Variants in CNGB1 observed in about 807,000 individuals in gnomAD.
CNGB1 encodes the protein cyclic nucleotide-gated channel beta-1.
Under a neutral mutation model 151.7 loss-of-function variants are expected in CNGB1, and 126 were observed. The observed-to-expected ratio is 0.83, with a 90% confidence interval of 0.72 to 0.96. The LOEUF is 0.96. Among genes scored for constraint, CNGB1 ranks in the 40% least tolerant of loss-of-function variants. The pLI is 0.00. For missense variants in CNGB1, 1,698 were observed against 1,627.0 expected (o/e 1.04, Z -0.75); for synonymous variants, 623 against 635.1 (o/e 0.98, Z 0.29).
chr16:57,965,718 TCAGA>T (rs112443047), intron 2 of CNGB1, among the ~76,000 whole-genome samples: 16,518 of 151,858 alleles, frequency 0.11, 983 homozygotes, highest in Non-Finnish European at 0.13. Context: ...ACTCACATAC[TCAGA>T]AATATGTAGA....
At chr16:57,947,991 ACACT>A (rs1398217569) in intron 14 of CNGB1, among the ~76,000 whole-genome samples, 1 of 152,214 alleles carries the variant, frequency 6.6e-6, no homozygotes, top group African/African-American at 2.4e-5. Flanking sequence ...TGTGCTCCTA[ACACT>A]CACAGTGCTA....
At chr16:57,941,713 G>T (rs8056867) in intron 14 of CNGB1, among the ~76,000 whole-genome samples, 2,177 of 152,170 alleles carry the variant, frequency 0.014, 54 homozygotes, top group African/African-American at 0.05. Context: ...TACAATAAAG[G>T]TCATATGTGA....
chr16:57,925,749 G>A (rs542150623), intron 17 of CNGB1, among the ~76,000 whole-genome samples: 33 of 152,056 alleles, frequency 2.2e-4, no homozygotes, highest in South Asian at 6.2e-4. Context: ...ATGCAGTGGC[G>A]CAAGCTCAGC....
In CNGB1 at chr16:57,956,356, T is replaced by C. The variant is rs1437050165; in HGVS notation, c.874+985A>G. On this transcript the variant is annotated intron_variant, in intron 12 of 32. Transcript: ENST00000251102. ...ATGAGAGACTGCTTATGCCCTGCTC[T>C]GAGACAGGCCAGCTCTCCTCCTCCT... Among the ~76,000 whole-genome samples the C allele has an allele frequency of 7.9e-5, 12 of 152,298 alleles. No individual in the cohort carries two copies. The East Asian group carries it at 2.3e-3, about 29-fold the overall frequency.
chr16:57,967,764 T>A (rs894478254), intron 1 of CNGB1, among the ~76,000 whole-genome samples: 5 of 152,114 alleles, frequency 3.3e-5, no homozygotes, highest in Admixed American at 1.3e-4. Context: ...ATATTACATA[T>A]ATACACACAG....
At chr16:57,955,758 A>G (rs2071426792) in intron 12 of CNGB1, among the ~76,000 whole-genome samples, 1 of 151,372 alleles carries the variant, frequency 6.6e-6, no homozygotes, top group Admixed American at 6.6e-5. Flanking sequence ...GGAGGCGGGC[A>G]CTGGAGGACA....
At chr16:57,943,727 G>C (rs1328600590) in intron 14 of CNGB1, among the ~76,000 whole-genome samples, 1 of 152,140 alleles carries the variant, frequency 6.6e-6, no homozygotes, top group Non-Finnish European at 1.5e-5. Flanking sequence ...CTTACACACT[G>C]TTGGTGGGAT....
At chr16:57,954,996 G>A (rs1215536635) in intron 12 of CNGB1, 3 of 1,132,490 alleles carry the variant, frequency 2.6e-6, no homozygotes, top group Non-Finnish European at 3.3e-6. Flanking sequence ...CAATCCTCCT[G>A]CCTCAGCCTC....
At chr16:57,950,289 T>C in intron 13 of CNGB1, 92 bp downstream of exon 13, 2 of 1,495,522 alleles carry the variant, frequency 1.3e-6, no homozygotes, top group South Asian at 1.1e-5. Context: ...TGGTTCCTGC[T>C]CTGTGCCTTT....
intron 17 of CNGB1, 77 bp from the exon 18 acceptor site, chr16:57,923,457 TA>T: frequency 8.2e-7 from 1 of 1,220,676 alleles, no homozygotes; most frequent in Non-Finnish European, 1.2e-6. Flanking sequence ...CTTTGATCCC[TA>T]AAGATCATCT....
intron 31 of CNGB1, among the ~76,000 whole-genome samples, chr16:57,892,235 C>A (rs1189709676): frequency 6.6e-6 from 1 of 152,106 alleles, no homozygotes; most frequent in African/African-American, 2.4e-5. Context: ...TGAATGACCA[C>A]AAAAGCCTGT....
intron 2 of CNGB1, among the ~76,000 whole-genome samples, chr16:57,965,332 C>T (rs34386831): frequency 0.15 from 23,255 of 152,182 alleles, 2,437 homozygotes; most frequent in East Asian, 0.4. Flanking sequence ...CATGCCCCAA[C>T]ACATATATGT....
chr16:57,904,023 A>G, intron 26 of CNGB1, 42 bp from the exon 27 acceptor site: 1 of 1,591,644 alleles, frequency 6.3e-7, no homozygotes, highest in Non-Finnish European at 8.6e-7. Flanking sequence ...CCACTGGGTC[A>G]TTGGGGGTGG....
chr16:57,962,414 C>T (rs1214628310), intron 7 of CNGB1, 151 bp downstream of exon 7: 2 of 763,586 alleles, frequency 2.6e-6, no homozygotes, highest in East Asian at 2.5e-5. Flanking sequence ...CCACTGTCCC[C>T]ATTCTATGGC....
chr16:57,956,461 C>G (rs1410981661), intron 12 of CNGB1, among the ~76,000 whole-genome samples: 9 of 152,216 alleles, frequency 5.9e-5, no homozygotes, highest in Non-Finnish European at 2.9e-5. Flanking sequence ...GTCCACTGGG[C>G]TGTGTGTGCT....
intron 14 of CNGB1, among the ~76,000 whole-genome samples, chr16:57,949,126 G>T (rs1213929306): frequency 3.3e-5 from 5 of 151,880 alleles, no homozygotes; most frequent in Non-Finnish European, 7.4e-5. Context: ...CTGCATTCTA[G>T]TGTGTGTGGG....
chr16:57,958,472 C>A lies in CNGB1; in HGVS notation c.775G>T (p.Val259Phe), dbSNP rs1430274137. The change falls in exon 11 of 33, where the codon GTC becomes TTC. Residue 259 changes from valine to phenylalanine, a missense_variant. Coordinates refer to ENST00000251102, the MANE Select transcript of CNGB1 (RefSeq NM_001297.5). ...AAGGCCATCTCCAGCCTGTGCAGGA[C>A]CCATGCCACCAGCCTGCAGGTGGGA... ...TRDPARLVAW[V>F]LHRLEMALPQ... 6.2e-7 allele frequency: 1 copy of A among 1,614,068 alleles called. No homozygotes were observed. The highest frequency in any genetic ancestry group is 1.1e-5 in the South Asian group (1 of 91,076).
chr16:57,951,920 C>A (rs1961957923), intron 12 of CNGB1, among the ~76,000 whole-genome samples: 2 of 152,208 alleles, frequency 1.3e-5, no homozygotes, highest in Admixed American at 6.5e-5. Flanking sequence ...CCAAGAGCAT[C>A]CTGAACTAGC....
chr16:57,905,481 G>A (rs1292212176), intron 25 of CNGB1, among the ~76,000 whole-genome samples: 8 of 152,336 alleles, frequency 5.3e-5, no homozygotes, highest in Middle Eastern at 3.4e-3. Flanking sequence ...ACCCTCTGAC[G>A]TCGGCTTGTG....
Sources: allele counts gnomAD v4.1 joint callset (sites outside exome capture counted in the v4.1 genomes callset), GRCh38; gene constraint gnomAD v4.1.1; transcripts MANE v1.5; gene names NCBI Gene and HGNC (gene_info 2026-07-23, HGNC 2026-07-21).